Variants in NLGN1 observed in about 807,000 individuals in gnomAD.
The protein encoded by NLGN1 is neuroligin 1.
Under a neutral mutation model 65.5 loss-of-function variants are expected in NLGN1, and 12 were observed. The observed-to-expected ratio is 0.18, with a 90% CI of 0.12 to 0.30. NLGN1 has a LOEUF of 0.30. NLGN1 is among the 10% of genes least tolerant of loss of function. The pLI, the probability that NLGN1 is intolerant of heterozygous loss-of-function variation, is 1.00. For missense variants in NLGN1, 750 were observed against 1,007.1 expected (o/e 0.74, Z 3.46); for synonymous variants, 350 against 359.5 (o/e 0.97, Z 0.30).
chr3:173,686,100 C>G (rs1359590427), intron 3 of NLGN1, among the ~76,000 whole-genome samples: 1 of 151,974 alleles, frequency 6.6e-6, no homozygotes, highest in Admixed American at 6.6e-5. Context: ...AAACCCAAGG[C>G]AAGAACTTGT....
chr3:173,399,490 T>C (rs542476034), intron 1 of NLGN1: 2 of 152,306 alleles, frequency 1.3e-5, no homozygotes, highest in Non-Finnish European at 1.5e-5. Flanking sequence ...TAATAACATA[T>C]TTTCAAATGT....
At chr3:174,233,425 G>C (rs943887793) in intron 4 of NLGN1, among the ~76,000 whole-genome samples, 1 of 151,918 alleles carries the variant, frequency 6.6e-6, no homozygotes, top group Non-Finnish European at 1.5e-5. Flanking sequence ...GGCAGAGGTT[G>C]CAGTGAGCTG....
At position 174,117,916 on chromosome 3, in the gene NLGN1, C is replaced by A. The variant is rs112021516; in HGVS notation, c.647-157399C>A. The stretch of plus-strand genomic sequence containing the variant: ...TTAACAGACACTCAAGTCGAATACT[C>A]TATTTCAGGATCTGAACTAATCTGG... On this transcript the variant is annotated intron_variant, in intron 4 of 6. Coordinates refer to ENST00000457714, the Ensembl canonical transcript of NLGN1. Among the ~76,000 whole-genome samples, 1,294 of 152,248 alleles carry A rather than the reference C, an allele frequency of 8.5e-3. 25 individuals carry two copies. Among genetic ancestry groups the A allele is most frequent in the African/African-American group, 0.03 (1,233 of 41,538 alleles).
chr3:173,715,526 G>GCGAAAAGGGACTAGTGAGCTATTT (rs1769705618), intron 3 of NLGN1, among the ~76,000 whole-genome samples: 1 of 152,130 alleles, frequency 6.6e-6, no homozygotes, highest in East Asian at 1.9e-4. Flanking sequence ...AATCAAGGTA[G>GCGAAAAGGGACTAGTGAGCTATTT]CGAAAAGGGA....
chr3:173,437,807 A>C (rs905022172), intron 2 of NLGN1, among the ~76,000 whole-genome samples: 27 of 151,766 alleles, frequency 1.8e-4, no homozygotes, highest in African/African-American at 6.5e-4. Flanking sequence ...ACAGATATGC[A>C]CACACACACA....
At chr3:173,618,260 A>G (rs1233535471) in intron 3 of NLGN1, among the ~76,000 whole-genome samples, 3 of 151,994 alleles carry the variant, frequency 2.0e-5, no homozygotes, top group African/African-American at 7.2e-5. Context: ...CAGTTGCAAG[A>G]TGGTAGCTCA....
chr3:173,880,673 C>G (rs1733050315), intron 4 of NLGN1, among the ~76,000 whole-genome samples: 1 of 152,068 alleles, frequency 6.6e-6, no homozygotes. Flanking sequence ...CTTGCCTAAA[C>G]TAAGGCTCTT....
intron 4 of NLGN1, among the ~76,000 whole-genome samples, chr3:174,234,985 C>CTTTTTTTTT (rs748911027): frequency 0.018 from 1,210 of 65,740 alleles, 324 homozygotes; most frequent in African/African-American, 0.07. Context: ...AAGGAATCAC[C>CTTTTTTTTT]TTTTTTTTTT....
At chr3:173,763,270 C>CT (rs938707259) in intron 3 of NLGN1, among the ~76,000 whole-genome samples, 1 of 151,974 alleles carries the variant, frequency 6.6e-6, no homozygotes, top group Admixed American at 6.6e-5. Flanking sequence ...TACCTGACCC[C>CT]TTTTTTTGTC....
chr3:173,810,102 A>G (rs1415008109), intron 4 of NLGN1, among the ~76,000 whole-genome samples: 2 of 152,180 alleles, frequency 1.3e-5, no homozygotes, highest in Non-Finnish European at 2.9e-5. Flanking sequence ...TGGTTCTCGA[A>G]CAGAGGTATT....
chr3:173,429,015 C>T (rs1421281271), intron 1 of NLGN1, among the ~76,000 whole-genome samples: 1 of 151,958 alleles, frequency 6.6e-6, no homozygotes, highest in East Asian at 1.9e-4. Flanking sequence ...GATCTTTGAC[C>T]TTTTAGTATC....
chr3:173,779,898 A>C (rs1780866788), intron 3 of NLGN1, among the ~76,000 whole-genome samples: 1 of 152,190 alleles, frequency 6.6e-6, no homozygotes, highest in South Asian at 2.1e-4. Context: ...TTGCAAGATT[A>C]TGTAAAATGT....
chr3:173,553,776 C>A (rs1252367592), intron 2 of NLGN1, among the ~76,000 whole-genome samples: 3 of 143,124 alleles, frequency 2.1e-5, no homozygotes, highest in African/African-American at 8.0e-5. Context: ...ATTTAAGAGG[C>A]AAATTATATG....
chr3:173,574,545 A>T (rs188844869), intron 2 of NLGN1, among the ~76,000 whole-genome samples: 1 of 152,290 alleles, frequency 6.6e-6, no homozygotes, highest in Admixed American at 6.5e-5. Context: ...GGTTTTAAAT[A>T]ATTTATTTAA....
chr3:173,734,318 T>G (rs559118696), intron 3 of NLGN1, among the ~76,000 whole-genome samples: 1 of 150,692 alleles, frequency 6.6e-6, no homozygotes, highest in Non-Finnish European at 1.5e-5. Flanking sequence ...TAAAGTGACA[T>G]GCATGTTGTG....
At chr3:174,062,901 G>A (rs1165859300) in intron 4 of NLGN1, among the ~76,000 whole-genome samples, 4 of 151,906 alleles carry the variant, frequency 2.6e-5, no homozygotes, top group Admixed American at 6.6e-5. Context: ...TCTTCCCTCA[G>A]TATAACACTG....
intron 4 of NLGN1, among the ~76,000 whole-genome samples, chr3:174,071,839 T>C (rs1160903750): frequency 6.6e-6 from 1 of 152,182 alleles, no homozygotes; most frequent in Non-Finnish European, 1.5e-5. Context: ...ACCGAAACCG[T>C]ATTCTGTGAG....
At chr3:174,237,331 A>T (rs916970277) in intron 4 of NLGN1, among the ~76,000 whole-genome samples, 1 of 152,138 alleles carries the variant, frequency 6.6e-6, no homozygotes, top group Non-Finnish European at 1.5e-5. Context: ...TGTCTATCCA[A>T]AAACTACAAT....
At chr3:173,789,278 C>T (rs1458353442) in intron 3 of NLGN1, among the ~76,000 whole-genome samples, 3 of 151,990 alleles carry the variant, frequency 2.0e-5, no homozygotes, top group Admixed American at 6.6e-5. Context: ...TAAAAAGAAG[C>T]GTGAAGTGTG....
Sources: gnomAD v4.1 joint callset for allele counts (sites outside exome capture counted in the v4.1 genomes callset) on GRCh38, gnomAD v4.1.1 for gene constraint, MANE v1.5 for transcripts, NCBI Gene and HGNC (gene_info 2026-07-23, HGNC 2026-07-21) for gene names.